The following MTHFD1L variants were observed in gnomAD, a reference collection of about 807,000 sequenced individuals.
The protein encoded by MTHFD1L is methylenetetrahydrofolate dehydrogenase (NADP+ dependent) 1 like.
In MTHFD1L, 81 loss-of-function variants were observed where a neutral mutation model predicts 119.5. That is an observed-to-expected ratio of 0.68 (90% CI 0.57 to 0.82). The LOEUF (loss-of-function observed/expected upper bound fraction) is 0.82. Among genes scored for constraint, MTHFD1L ranks in the 40% least tolerant of loss-of-function variants. The pLI, the probability that MTHFD1L is intolerant of heterozygous loss-of-function variation, is 0.00. For synonymous variants in MTHFD1L, 430 were observed against 475.2 expected, an observed-to-expected ratio of 0.90 and a Z score of 1.24; for missense variants, 1,125 against 1,253.4, an observed-to-expected ratio of 0.90 and a Z score of 1.55.
At chr6:150,935,374 A>C in intron 11 of MTHFD1L, 1 of 1,613,954 alleles carries the variant, frequency 6.2e-7, no homozygotes, top group Non-Finnish European at 8.5e-7. Context: ...CTAACAAACA[A>C]GACTTGAGGA....
intron 3 of MTHFD1L, 23 bp from the exon 4 acceptor site, chr6:150,877,750 A>G (rs766519570): frequency 1.9e-6 from 3 of 1,614,242 alleles, no homozygotes; most frequent in Non-Finnish European, 2.5e-6. Context: ...ATAGTGACGA[A>G]TAACCTTGTG....
intron 27 of MTHFD1L, chr6:151,100,064 C>T (rs557123064): frequency 6.2e-5 from 36 of 582,952 alleles, no homozygotes; most frequent in Middle Eastern, 4.8e-4. Flanking sequence ...GACGCAGTCT[C>T]GCTCTGTCAC....
intron 20 of MTHFD1L, among the ~76,000 whole-genome samples, chr6:151,006,231 C>G (rs997414864): frequency 7.2e-5 from 11 of 152,102 alleles, no homozygotes; most frequent in African/African-American, 2.7e-4. Flanking sequence ...CAACTTTGCC[C>G]GAAAGCATCA....
intron 20 of MTHFD1L, among the ~76,000 whole-genome samples, chr6:150,995,962 A>G (rs1779760315): frequency 6.6e-6 from 1 of 152,006 alleles, no homozygotes; most frequent in Admixed American, 6.5e-5. Context: ...TGCCTGGCCA[A>G]CATATTTCTA....
intron 14 of MTHFD1L, 133 bp downstream of exon 14, chr6:150,944,726 A>T: frequency 1.5e-6 from 1 of 675,844 alleles, no homozygotes. Flanking sequence ...TGATTTTTAC[A>T]TATGTCCCTG....
chr6:150,936,840 A>T lies in MTHFD1L; in HGVS notation c.1293A>T (p.Thr431=), dbSNP rs779419579. 24 of 1,614,020 alleles carry T rather than the reference A, an allele frequency of 1.5e-5. No individual in the cohort carries two copies. The highest frequency in any genetic ancestry group is 2.0e-5 in the Non-Finnish European group (24 of 1,179,998). Residue 431 remains threonine (T), a synonymous_variant, in exon 12 of 28, where the codon ACA becomes ACT. Coordinates refer to ENST00000367321, the MANE Select transcript of MTHFD1L (RefSeq NM_015440.5). ...TPTPLGEGKS[T]VTIGLVQALT... is the part of the protein sequence containing the mutation. Reference sequence around the variant, plus strand: ...CCCCTCTTGGAGAAGGGAAGAGCACAGTCACCATCGGGCTTGTGCAGGCTC... The same window carrying T: ...CCCCTCTTGGAGAAGGGAAGAGCACTGTCACCATCGGGCTTGTGCAGGCTC...
At chr6:150,945,613 G>A (rs1793803546) in intron 15 of MTHFD1L, 72 bp downstream of exon 15, 1 of 1,459,870 alleles carries the variant, frequency 6.8e-7, no homozygotes, top group South Asian at 1.2e-5. Context: ...GTCAAAGCCT[G>A]AAATTTTCAA....
chr6:151,092,667 T>G, intron 27 of MTHFD1L, 80 bp downstream of exon 27: 2 of 791,900 alleles, frequency 2.5e-6, no homozygotes, highest in Non-Finnish European at 4.1e-6. Context: ...TTTTTTCTGA[T>G]ACCACAGAAG....
At chr6:150,956,192 C>A in intron 17 of MTHFD1L, 121 bp downstream of exon 17, 1 of 948,390 alleles carries the variant, frequency 1.1e-6, no homozygotes, top group South Asian at 1.4e-5. Flanking sequence ...GGTTCTCTCA[C>A]TGTTTTGGGT....
chr6:150,924,997 G>A (rs1482815751), intron 10 of MTHFD1L, among the ~76,000 whole-genome samples: 1 of 152,172 alleles, frequency 6.6e-6, no homozygotes, highest in Non-Finnish European at 1.5e-5. Flanking sequence ...CTGGGTGGAG[G>A]TGTGTTTGCT....
At chr6:151,002,972 A>G (rs1249699257) in intron 20 of MTHFD1L, among the ~76,000 whole-genome samples, 1 of 152,134 alleles carries the variant, frequency 6.6e-6, no homozygotes, top group Admixed American at 6.5e-5. Flanking sequence ...TACAACAATC[A>G]AAAATGTCTC....
At position 151,079,716 on chromosome 6, in the gene MTHFD1L, C is replaced by T. The variant is rs147363755; in HGVS notation, c.2848-12751C>T. 1.0e-2 allele frequency among the ~76,000 whole-genome samples: 1,509 copies of T among 151,570 alleles called. 33 individuals are homozygous for T. Among genetic ancestry groups the T allele is most frequent in the African/African-American group, 0.035 (1,439 of 41,302 alleles). On this transcript the variant is annotated intron_variant, in intron 26 of 27. Transcript: ENST00000367321. ...GTTGGTCACGCTGGTCTCAAACTCC[C>T]GACCTCATGTGATCTGCCCACCTCG... is the stretch of plus-strand genomic sequence containing the variant.
At chr6:151,062,818 A>G (rs895591334) in intron 26 of MTHFD1L, among the ~76,000 whole-genome samples, 3 of 125,590 alleles carry the variant, frequency 2.4e-5, no homozygotes, top group Non-Finnish European at 5.1e-5. Flanking sequence ...ATAGAAGGAT[A>G]CAAGACAGCC....
chr6:150,866,058 C>T lies in MTHFD1L; in HGVS notation c.227+9C>T, dbSNP rs1778239612. ...CGGGACTCCATCGTCAGGTGAGTGT[C>T]GGGTCTGGCCCTGGCCCAGGTCTCC... On this transcript the variant is annotated intron_variant, in intron 1 of 27. Coordinates refer to ENST00000367321, the MANE Select transcript of MTHFD1L (RefSeq NM_015440.5). 3 of 1,473,270 alleles carry T rather than the reference C, an allele frequency of 2.0e-6. No individual in the cohort carries two copies. The highest frequency in any genetic ancestry group is 2.7e-6 in the Non-Finnish European group (3 of 1,119,784). The allele number at this position is 1,473,270 out of a possible 1,614,324, so 91.3% of individuals were successfully genotyped here.
intron 16 of MTHFD1L, among the ~76,000 whole-genome samples, chr6:150,950,795 G>A (rs924507395): frequency 1.7e-4 from 26 of 152,016 alleles, no homozygotes; most frequent in Admixed American, 3.9e-4. Flanking sequence ...TCATCCTTAC[G>A]AGTAGCTGGG....
intron 26 of MTHFD1L, among the ~76,000 whole-genome samples, chr6:151,044,691 C>T (rs1378862222): frequency 3.3e-5 from 5 of 152,094 alleles, no homozygotes; most frequent in African/African-American, 1.2e-4. Flanking sequence ...CCTAGAAGAC[C>T]AGCAGTTTAT....
In MTHFD1L at chr6:150,979,737, C is replaced by T. The variant is rs1318693327; in HGVS notation, c.2125+7679C>T. Among the ~76,000 whole-genome samples the T allele has an allele frequency of 3.9e-5, 6 of 151,974 alleles. No individual in the cohort carries two copies. In the East Asian group the frequency reaches 1.2e-3, roughly 29 times the overall value. ...CTAGTCTCAAATTCCTGACCTCAGG[C>T]GATCCACTCACCCCTGCCTCCCAAA... is the stretch of plus-strand genomic sequence containing the variant. On this transcript the variant is annotated intron_variant, in intron 20 of 27. Coordinates refer to ENST00000367321, the MANE Select transcript of MTHFD1L (RefSeq NM_015440.5).
At chr6:150,989,922 G>A (rs886260557) in intron 20 of MTHFD1L, among the ~76,000 whole-genome samples, 1 of 152,154 alleles carries the variant, frequency 6.6e-6, no homozygotes, top group Non-Finnish European at 1.5e-5. Flanking sequence ...TGAACTTCGT[G>A]GTTAAATTAA....
rs1325532009 is a variant in MTHFD1L, at chr6:151,084,985, ATATAT to A, written c.2848-7481_2848-7477del. 1.7e-3 allele frequency among the ~76,000 whole-genome samples: 168 copies of A among 97,268 alleles called. 1 individual carries two copies. Among genetic ancestry groups the A allele is most frequent in the African/African-American group, 6.4e-3 (152 of 23,878 alleles). The allele number at this position is 97,268 out of a possible 152,430, so 63.8% of individuals were successfully genotyped here. On this transcript the variant is annotated intron_variant, in intron 26 of 27. Coordinates refer to ENST00000367321, the MANE Select transcript of MTHFD1L (RefSeq NM_015440.5). ...CCATCTCAAAGAAAAAAAAAAAAAA[ATATAT>A]ATATATATATATATGTATATATTTA...
Sources: gnomAD v4.1 joint callset for allele counts (sites outside exome capture counted in the v4.1 genomes callset) on GRCh38, gnomAD v4.1.1 for gene constraint, MANE v1.5 for transcripts, NCBI Gene and HGNC (gene_info 2026-07-23, HGNC 2026-07-21) for gene names.